The following FBLN7 variants were observed in gnomAD, a reference collection of about 807,000 sequenced individuals.
FBLN7 encodes the protein fibulin 7.
FBLN7 carries 31 observed loss-of-function variants against 44.0 expected under a neutral mutation model. That is an observed-to-expected ratio of 0.70 (90% CI 0.53 to 0.95). FBLN7 has a LOEUF of 0.95. Ranked by LOEUF, FBLN7 falls within the 40% of genes least tolerant of loss-of-function variation. FBLN7 has a pLI of 0.00. For missense variants in FBLN7, 573 were observed against 618.5 expected (o/e 0.93, Z 0.78); for synonymous variants, 262 against 253.4 (o/e 1.03, Z -0.32).
chr2:112,155,362 C>G (rs1305504832), intron 1 of FBLN7, among the ~76,000 whole-genome samples: 3 of 152,218 alleles, frequency 2.0e-5, no homozygotes, highest in Admixed American at 6.5e-5. Context: ...CTGTTAGGAG[C>G]AGCTGCAGCT....
At chr2:112,182,083 T>G in intron 5 of FBLN7, 1 of 643,706 alleles carries the variant, frequency 1.6e-6, no homozygotes, top group Non-Finnish European at 2.5e-6. Context: ...TCGCCCCGCC[T>G]CAGAACCTGG....
the FBLN7 span, chr2:112,231,955 A>C: frequency 1.5e-5 from 21 of 1,447,036 alleles, 1 homozygote; most frequent in African/African-American, 2.8e-4. Context: ...CATGTAACCC[A>C]AGTGTTAAGG....
the FBLN7 span, among the ~76,000 whole-genome samples, chr2:112,244,501 CAAAG>C: frequency 6.6e-6 from 1 of 152,180 alleles, no homozygotes; most frequent in Non-Finnish European, 1.5e-5. Flanking sequence ...GAGATATCTA[CAAAG>C]AAAGTTATAG....
chr2:112,143,652 T>A (rs573819066), intron 1 of FBLN7, among the ~76,000 whole-genome samples: 1 of 152,332 alleles, frequency 6.6e-6, no homozygotes, highest in South Asian at 2.1e-4. Context: ...ATCATGCTGC[T>A]CTTTGAAGTC....
chr2:112,215,099 C>T, the FBLN7 span: 1 of 151,902 alleles, frequency 6.6e-6, no homozygotes, highest in African/African-American at 2.4e-5. Flanking sequence ...AACTATTATA[C>T]ATGAGGTAAT....
At chr2:112,149,642 G>A (rs749645944) in intron 1 of FBLN7, among the ~76,000 whole-genome samples, 46 of 152,184 alleles carry the variant, frequency 3.0e-4, no homozygotes, top group Non-Finnish European at 5.0e-4. Context: ...GACTCCCAGG[G>A]TGGGTTGAAC....
chr2:112,180,755 C>G lies in FBLN7; in HGVS notation c.533-984C>G, dbSNP rs547180287. 4.8e-3 allele frequency among the ~76,000 whole-genome samples: 731 copies of G among 151,796 alleles called. 5 individuals carry two copies. The highest frequency in any genetic ancestry group is 8.2e-3 in the Non-Finnish European group (559 of 67,898). On this transcript the variant is annotated intron_variant, in intron 4 of 7. Transcript: ENST00000331203. ...CTAACATGGTGAAACCCCGTCTCTA[C>G]TAAAAAAATACAAAAAAATTTGCCC...
rs78436848 is a variant in FBLN7 at position 112,157,946 on chromosome 2, G to C, written c.76-1730G>C. Among the ~76,000 whole-genome samples the C allele has an allele frequency of 6.6e-5, 10 of 150,532 alleles. No homozygotes were observed. In the East Asian group the frequency reaches 2.0e-3, roughly 29 times the overall value. On this transcript the variant is annotated intron_variant, in intron 1 of 7. Transcript: ENST00000331203. ...CGGAGTCTCGCTGTCGCCCAGGTTGGAGTGCAGTGGCGCGATCTCGGCTCA... is the reference window on the plus strand; with the variant it reads ...CGGAGTCTCGCTGTCGCCCAGGTTGCAGTGCAGTGGCGCGATCTCGGCTCA...
intron 1 of FBLN7, among the ~76,000 whole-genome samples, chr2:112,142,811 G>A (rs958544485): frequency 6.6e-6 from 1 of 151,848 alleles, no homozygotes; most frequent in African/African-American, 2.4e-5. Context: ...TCTGTGTGTG[G>A]TTGTGTGTAC....
intron 3 of FBLN7, 29 bp downstream of exon 3, chr2:112,165,200 G>T: frequency 1.2e-6 from 2 of 1,606,380 alleles, no homozygotes; most frequent in South Asian, 1.1e-5. Context: ...ATCCCACTGC[G>T]CTGGACCCAT....
chr2:112,153,505 G>A (rs1156611664), intron 1 of FBLN7, among the ~76,000 whole-genome samples: 1 of 152,160 alleles, frequency 6.6e-6, no homozygotes, highest in East Asian at 1.9e-4. Flanking sequence ...GGTTACAGGA[G>A]AACAGAAGCC....
the FBLN7 span, among the ~76,000 whole-genome samples, chr2:112,196,117 A>G: frequency 6.6e-6 from 1 of 152,224 alleles, no homozygotes; most frequent in Admixed American, 6.5e-5. Flanking sequence ...GAGTGATCAC[A>G]GTGAACTGCT....
At chr2:112,212,990 TAA>T in the FBLN7 span, 1 of 97,302 alleles carries the variant, frequency 1.0e-5, no homozygotes, top group African/African-American at 4.5e-5. Flanking sequence ...TTTTTTTTTA[TAA>T]GAGACAAGGC....
the FBLN7 span, among the ~76,000 whole-genome samples, chr2:112,198,602 C>T: frequency 2.0e-5 from 3 of 151,674 alleles, no homozygotes; most frequent in South Asian, 2.1e-4. Flanking sequence ...GCAGCACTAA[C>T]TCCAGCCTGG....
chr2:112,236,690 TAGC>T, the FBLN7 span: 2 of 1,605,746 alleles, frequency 1.2e-6, no homozygotes, highest in Non-Finnish European at 1.7e-6. Context: ...TTTTTTTGTT[TAGC>T]AGCTAAAAAC....
chr2:112,211,512 C>G, the FBLN7 span: 2 of 152,240 alleles, frequency 1.3e-5, no homozygotes, highest in East Asian at 3.9e-4. Flanking sequence ...CCATAATAAA[C>G]TCCATAACAA....
Position 112,187,053 on chromosome 2 carries a change from G to A in FBLN7, c.948-81G>A, listed in dbSNP as rs115924283. 7,503 of 1,541,966 alleles carry A rather than the reference G, an allele frequency of 4.9e-3. 28 individuals are homozygous for A. The highest frequency in any genetic ancestry group is 6.0e-3 in the Non-Finnish European group (6,834 of 1,139,636). ...GTCATCTAGGTGGCCTCTGCAAGAG[G>A]GCAGGTGGGCAGCCGGGTCAGAGCA... On this transcript the variant is annotated intron_variant, in intron 7 of 7. Coordinates refer to ENST00000331203, the MANE Select transcript of FBLN7 (RefSeq NM_153214.3). This position sits in a 1 kb window ranked among gnomAD's most constrained non-coding sequence, Gnocchi z 5.1.
At chr2:112,227,417 C>T in the FBLN7 span, among the ~76,000 whole-genome samples, 14 of 152,112 alleles carry the variant, frequency 9.2e-5, no homozygotes, top group African/African-American at 2.4e-4. Flanking sequence ...CCCAGGTACT[C>T]GGGAGGCTGA....
chr2:112,183,308 CCT>C (rs1422533079), intron 6 of FBLN7, among the ~76,000 whole-genome samples: 1 of 152,182 alleles, frequency 6.6e-6, no homozygotes, highest in East Asian at 1.9e-4. Context: ...ACTCCATGAC[CCT>C]GTGTCCACCT....
Sources: allele counts gnomAD v4.1 joint callset (sites outside exome capture counted in the v4.1 genomes callset), GRCh38; gene constraint gnomAD v4.1.1; non-coding constraint Gnocchi (gnomAD v3.1); transcripts MANE v1.5; gene names NCBI Gene and HGNC (gene_info 2026-07-23, HGNC 2026-07-21).